Variants in STX17 observed in about 807,000 individuals in gnomAD.
The protein encoded by STX17 is syntaxin-17.
Under a neutral mutation model 35.9 loss-of-function variants are expected in STX17, and 29 were observed. The ratio of observed to expected loss-of-function variants is 0.81; its 90% CI spans 0.60 to 1.10. The LOEUF (loss-of-function observed/expected upper bound fraction) is 1.10, where lower values mean the gene tolerates loss of function less well. Among genes scored for constraint, STX17 ranks in the 50% least tolerant of loss-of-function variants. STX17 has a pLI of 0.00. For synonymous variants in STX17, 92 were observed against 118.3 expected, an observed-to-expected ratio of 0.78 and a Z score of 1.44; for missense variants, 312 against 352.3, an observed-to-expected ratio of 0.89 and a Z score of 0.92.
At chr9:99,917,109 T>C (rs1828792488) in intron 2 of STX17, among the ~76,000 whole-genome samples, 4 of 152,180 alleles carry the variant, frequency 2.6e-5, no homozygotes, top group Admixed American at 2.6e-4. Context: ...TTTATGAAAT[T>C]TTTACTTACT....
intron 3 of STX17, among the ~76,000 whole-genome samples, chr9:99,932,074 G>C (rs577881914): frequency 4.6e-5 from 7 of 152,094 alleles, no homozygotes; most frequent in Admixed American, 3.3e-4. Flanking sequence ...CGGCAGGTAG[G>C]TGCTTATCTT....
At chr9:99,907,189 T>C (rs1333457539) in intron 1 of STX17, 1 of 152,316 alleles carries the variant, frequency 6.6e-6, no homozygotes, top group Non-Finnish European at 1.5e-5. Flanking sequence ...AAGCCCCTGC[T>C]CGCCAAACCC....
At position 99,969,247 on chromosome 9, in the gene STX17, C is replaced by T. The variant is rs1015363436; in HGVS notation, c.*574C>T. ...ATGATGTAAGAAAATGCAAGAGGCT[C>T]AACTTCTCTTCCAAAAATCTTCTGG... is the stretch of plus-strand genomic sequence containing the variant. On this transcript the variant is annotated 3_prime_UTR_variant, in exon 8 of 8. Transcript: ENST00000259400. 6 of 152,162 alleles carry T rather than the reference C, an allele frequency of 3.9e-5. No individual in the cohort carries two copies. Among genetic ancestry groups the T allele is most frequent in the African/African-American group, 1.4e-4 (6 of 41,452 alleles). The allele number at this position is 152,162 out of a possible 1,614,324, so 9.4% of individuals were successfully genotyped here.
At chr9:99,939,134 A>G (rs1480881861) in intron 3 of STX17, among the ~76,000 whole-genome samples, 3 of 152,094 alleles carry the variant, frequency 2.0e-5, no homozygotes, top group Non-Finnish European at 4.4e-5. Flanking sequence ...AAAAAGGGGG[A>G]TGATTTAAAA....
In STX17 at chr9:99,972,599, C is replaced by T. The variant is rs1830037832; in HGVS notation, c.*3926C>T. Among the ~76,000 whole-genome samples the T allele has an allele frequency of 6.6e-6, 1 of 152,100 alleles. No homozygotes were observed. Among genetic ancestry groups the T allele is most frequent in the African/African-American group, 2.4e-5 (1 of 41,418 alleles). ...TTCTGTGGGCTGCCTGCCTTCCTGC[C>T]CTCCCTTAAGTGCTCTAAGATTTTT... On this transcript the variant is annotated 3_prime_UTR_variant, in exon 8 of 8. Coordinates refer to ENST00000259400, the MANE Select transcript of STX17 (RefSeq NM_017919.3).
chr9:99,916,430 TATTCATTCATTCATTC>T (rs551222708), intron 2 of STX17, among the ~76,000 whole-genome samples: 3 of 80,738 alleles, frequency 3.7e-5, no homozygotes, highest in East Asian at 2.6e-4. Context: ...TTTATTTATT[TATTCATTCATTCATTC>T]ATTCATTCAT....
At chr9:99,954,121 A>G (rs890543184) in intron 4 of STX17, 1 of 152,038 alleles carries the variant, frequency 6.6e-6, no homozygotes, top group Non-Finnish European at 1.5e-5. Flanking sequence ...TTCACTTCCC[A>G]ATTCTCTTGA....
At chr9:99,950,148 G>T (rs563449194) in intron 3 of STX17, among the ~76,000 whole-genome samples, 1 of 151,892 alleles carries the variant, frequency 6.6e-6, no homozygotes, top group African/African-American at 2.4e-5. Context: ...AAGCCAGTAG[G>T]TATTTCTCAA....
chr9:99,929,956 A>G (rs1829081312), intron 3 of STX17: 1 of 118,134 alleles, frequency 8.5e-6, no homozygotes, highest in Non-Finnish European at 1.6e-5. Context: ...TCTGTTGCCC[A>G]GGCTGGAGTG....
chr9:99,937,081 A>T (rs565981872), intron 3 of STX17, among the ~76,000 whole-genome samples: 1 of 152,302 alleles, frequency 6.6e-6, no homozygotes, highest in South Asian at 2.1e-4. Flanking sequence ...AAAGATGTTC[A>T]GCTGTCTTCT....
chr9:99,958,025 A>G (rs1254541929), intron 4 of STX17, among the ~76,000 whole-genome samples: 1 of 152,188 alleles, frequency 6.6e-6, no homozygotes, highest in Non-Finnish European at 1.5e-5. Flanking sequence ...TATTTTTAAT[A>G]GTAACATATT....
intron 3 of STX17, chr9:99,938,075 G>A (rs1441256255): frequency 6.6e-6 from 1 of 152,306 alleles, no homozygotes; most frequent in African/African-American, 2.4e-5. Context: ...CTCCAGTGTT[G>A]AGTGAGTGCT....
intron 3 of STX17, chr9:99,945,852 T>A: frequency 8.2e-6 from 2 of 243,948 alleles, no homozygotes; most frequent in Non-Finnish European, 1.6e-5. Context: ...GAGGCTGAGG[T>A]GGGTGGATCA....
At chr9:99,958,188 C>A (rs1829752581) in intron 4 of STX17, among the ~76,000 whole-genome samples, 1 of 152,148 alleles carries the variant, frequency 6.6e-6, no homozygotes, top group East Asian at 1.9e-4. Context: ...ACATACTGTT[C>A]TCTCTGACCT....
chr9:99,948,905 G>A (rs894033361), intron 3 of STX17, among the ~76,000 whole-genome samples: 9 of 152,092 alleles, frequency 5.9e-5, no homozygotes, highest in African/African-American at 2.2e-4. Flanking sequence ...TTTGGCTGTA[G>A]AAAATTTTTA....
chr9:99,967,450 AC>A (rs1829937037), intron 6 of STX17: 4 of 425,120 alleles, frequency 9.4e-6, no homozygotes, highest in Non-Finnish European at 1.7e-5. Context: ...CCCTTTTATT[AC>A]CTAATAATTA....
chr9:99,916,735 G>A (rs1384916482), intron 2 of STX17, among the ~76,000 whole-genome samples: 1 of 152,058 alleles, frequency 6.6e-6, no homozygotes. Flanking sequence ...TTACTTACAA[G>A]CAATAAGTAA....
chr9:99,928,445 AT>A (rs1232515573), intron 2 of STX17, among the ~76,000 whole-genome samples: 1 of 151,988 alleles, frequency 6.6e-6, no homozygotes, highest in Non-Finnish European at 1.5e-5. Flanking sequence ...TGTTCTTTTC[AT>A]TTTTTATATT....
intron 1 of STX17, among the ~76,000 whole-genome samples, chr9:99,912,402 A>G (rs1241713884): frequency 6.6e-6 from 1 of 151,832 alleles, no homozygotes; most frequent in African/African-American, 2.4e-5. Context: ...CCTTTTGGTC[A>G]TTTGTATGTC....
Sources: gnomAD v4.1 joint callset for allele counts (sites outside exome capture counted in the v4.1 genomes callset) on GRCh38, gnomAD v4.1.1 for gene constraint, MANE v1.5 for transcripts, NCBI Gene and HGNC (gene_info 2026-07-23, HGNC 2026-07-21) for gene names.